MACROD1: variants seen among roughly 807,000 people sequenced by gnomAD.
MACROD1 encodes mono-ADP ribosylhydrolase 1.
Under a neutral mutation model 41.4 loss-of-function variants are expected in MACROD1, and 31 were observed. The ratio of observed to expected loss-of-function variants is 0.75; its 90% CI spans 0.56 to 1.01. MACROD1 has a LOEUF of 1.01. Ranked by LOEUF, MACROD1 falls within the 50% of genes least tolerant of loss-of-function variation. The pLI is 0.00. For missense variants in MACROD1, 473 were observed against 460.0 expected (o/e 1.03, Z -0.26); for synonymous variants, 252 against 203.4 (o/e 1.24, Z -2.03).
In MACROD1 at chr11:64,041,199, TAAAAAAAAAAA is replaced by T. The variant is rs71045724; in HGVS notation, c.518-25929_518-25919del. ...AGATTACAACAGATTTAGCAAACTG[TAAAAAAAAAAA>T]AAAAAAAAAAAAAAAAAAAGCATGA... On this transcript the variant is annotated intron_variant, in intron 3 of 10. Transcript: ENST00000255681. Among the ~76,000 whole-genome samples, 32 of 21,604 alleles carry T rather than the reference TAAAAAAAAAAA, an allele frequency of 1.5e-3. No homozygotes were observed. In the South Asian group the frequency reaches 0.055, roughly 37 times the overall value. 14.2% of individuals were successfully genotyped at this position (21,604 alleles called of 152,430 possible).
At chr11:64,127,543 G>T (rs774535857) in intron 3 of MACROD1, among the ~76,000 whole-genome samples, 1 of 152,182 alleles carries the variant, frequency 6.6e-6, no homozygotes. Flanking sequence ...TGTTCCCTCC[G>T]GCACCATCCC....
At chr11:64,107,521 T>A (rs1284390958) in intron 3 of MACROD1, among the ~76,000 whole-genome samples, 1 of 149,082 alleles carries the variant, frequency 6.7e-6, no homozygotes, top group African/African-American at 2.4e-5. Context: ...TAGGTGCATT[T>A]ATAGTGGATT....
chr11:64,099,544 GGA>G (rs1944634649), intron 3 of MACROD1, among the ~76,000 whole-genome samples: 1 of 152,046 alleles, frequency 6.6e-6, no homozygotes, highest in Non-Finnish European at 1.5e-5. Flanking sequence ...ATGAAAAGAT[GGA>G]GAGATGGATG....
intron 1 of MACROD1, among the ~76,000 whole-genome samples, chr11:64,153,688 G>T (rs893543057): frequency 4.3e-4 from 65 of 152,136 alleles, no homozygotes; most frequent in Non-Finnish European, 9.1e-4. Flanking sequence ...CAAAGGTGGG[G>T]TCATCACAAA....
At chr11:64,160,814 TAAA>T (rs34275911) in intron 1 of MACROD1, among the ~76,000 whole-genome samples, 2 of 111,104 alleles carry the variant, frequency 1.8e-5, no homozygotes. Flanking sequence ...AGACCATATC[TAAA>T]AAAAAAAAAA....
At chr11:64,139,209 C>T (rs1477096236) in intron 3 of MACROD1, among the ~76,000 whole-genome samples, 3 of 152,226 alleles carry the variant, frequency 2.0e-5, no homozygotes, top group African/African-American at 4.8e-5. Context: ...CATCCTCCCC[C>T]GGATCTGCAG....
chr11:64,157,636 G>A (rs140536077), intron 1 of MACROD1, among the ~76,000 whole-genome samples: 38 of 152,286 alleles, frequency 2.5e-4, no homozygotes, highest in African/African-American at 6.3e-4. Flanking sequence ...TCCCAGGCAC[G>A]AAAGCCAAGC....
intron 3 of MACROD1, among the ~76,000 whole-genome samples, chr11:64,133,923 G>T (rs1945298893): frequency 6.6e-6 from 1 of 152,250 alleles, no homozygotes; most frequent in South Asian, 2.1e-4. Context: ...TCTCAGCTGG[G>T]ACCTGGAGGA....
chr11:64,117,172 CCAA>C (rs1590933158), intron 3 of MACROD1: 1 of 1,614,000 alleles, frequency 6.2e-7, no homozygotes, highest in Middle Eastern at 1.7e-4. Context: ...CTGGACCTGT[CCAA>C]CAACAACCTG....
At chr11:64,152,191 A>C (rs1243891622) in intron 2 of MACROD1, 101 bp downstream of exon 2, 8 of 876,752 alleles carry the variant, frequency 9.1e-6, no homozygotes. Flanking sequence ...TGCAGCAAGC[A>C]CTCGATACAT....
chr11:64,035,270 A>C (rs745909012), intron 3 of MACROD1, among the ~76,000 whole-genome samples: 3 of 151,864 alleles, frequency 2.0e-5, no homozygotes, highest in Non-Finnish European at 4.4e-5. Context: ...CCGGGTGTTT[A>C]CAGCACGCGG....
intron 3 of MACROD1, among the ~76,000 whole-genome samples, chr11:64,015,976 C>T (rs1759831387): frequency 6.6e-6 from 1 of 152,200 alleles, no homozygotes; most frequent in African/African-American, 2.4e-5. Flanking sequence ...GGAGAATAGC[C>T]CCACCTCACC....
intron 3 of MACROD1, among the ~76,000 whole-genome samples, chr11:64,128,725 C>T (rs543489676): frequency 1.7e-4 from 26 of 152,086 alleles, no homozygotes; most frequent in Non-Finnish European, 2.8e-4. Context: ...GTCTATGCTG[C>T]ACTGGTTTCC....
intron 3 of MACROD1, among the ~76,000 whole-genome samples, chr11:64,030,629 T>C (rs1468524863): frequency 1.3e-5 from 2 of 152,122 alleles, no homozygotes; most frequent in Non-Finnish European, 2.9e-5. Context: ...ACCCGGATCT[T>C]AGAGATGTGG....
chr11:64,091,447 G>A (rs1247192464), intron 3 of MACROD1, among the ~76,000 whole-genome samples: 1 of 151,694 alleles, frequency 6.6e-6, no homozygotes, highest in Non-Finnish European at 1.5e-5. Context: ...GGGCTGCACT[G>A]GTGCCAGGGA....
At chr11:64,034,963 G>A (rs576591529) in intron 3 of MACROD1, among the ~76,000 whole-genome samples, 4 of 152,278 alleles carry the variant, frequency 2.6e-5, no homozygotes, top group African/African-American at 9.6e-5. Flanking sequence ...GAGGCTGTCT[G>A]GTCTAAACAC....
In MACROD1 at chr11:64,053,613, G is replaced by T. The variant is rs542185721; in HGVS notation, c.518-38332C>A. On this transcript the variant is annotated intron_variant, in intron 3 of 10. Transcript: ENST00000255681. Reference sequence around the variant, plus strand: ...GAGCAGGAAGTGGGAGGGATGTGGGGCCCCTACCCTGGGGATCTACAGGGG... The same window carrying T: ...GAGCAGGAAGTGGGAGGGATGTGGGTCCCCTACCCTGGGGATCTACAGGGG... Among the ~76,000 whole-genome samples the T allele has an allele frequency of 4.6e-5, 7 of 152,254 alleles. No individual in the cohort carries two copies. In the South Asian group the frequency reaches 1.4e-3, roughly 32 times the overall value.
intron 3 of MACROD1, among the ~76,000 whole-genome samples, chr11:64,039,301 G>A (rs1490153679): frequency 6.6e-6 from 1 of 152,180 alleles, no homozygotes; most frequent in African/African-American, 2.4e-5. Flanking sequence ...CTGCCCCGGG[G>A]GTAGCTTTCC....
intron 4 of MACROD1, 31 bp downstream of exon 4, chr11:64,015,221 C>A: frequency 6.3e-7 from 1 of 1,576,462 alleles, no homozygotes; most frequent in African/African-American, 1.4e-5. Context: ...ATGCCACACC[C>A]CACCCCCACC....
Sources: gnomAD v4.1 joint callset for allele counts (sites outside exome capture counted in the v4.1 genomes callset) on GRCh38, gnomAD v4.1.1 for gene constraint, MANE v1.5 for transcripts, NCBI Gene and HGNC (gene_info 2026-07-23, HGNC 2026-07-21) for gene names.